Variants in APTX observed in about 807,000 individuals in gnomAD.
The protein encoded by APTX is aprataxin.
APTX carries 33 observed loss-of-function variants against 42.3 expected under a neutral mutation model. The ratio of observed to expected loss-of-function variants is 0.78; its 90% CI spans 0.59 to 1.04. The LOEUF (loss-of-function observed/expected upper bound fraction) is 1.04, where lower values mean the gene tolerates loss of function less well. Ranked by LOEUF, APTX falls within the 50% of genes least tolerant of loss-of-function variation. The probability of loss-of-function intolerance (pLI) is 0.00; values close to 1 mark genes in which losing one functional copy is unlikely to be tolerated. For synonymous variants in APTX, 130 were observed against 146.7 expected (o/e 0.89, Z 0.82); for missense variants, 421 against 415.1 (o/e 1.01, Z -0.12).
chr9:32,990,720 G>A (rs1469461411), intron 1 of APTX, among the ~76,000 whole-genome samples: 1 of 152,184 alleles, frequency 6.6e-6, no homozygotes, highest in Non-Finnish European at 1.5e-5. Context: ...TCACGAGGAA[G>A]GGATATTAAT....
At chr9:33,019,857 C>A in intron 1 of APTX, 1 of 648,104 alleles carries the variant, frequency 1.5e-6, no homozygotes, top group Admixed American at 2.4e-5. Flanking sequence ...TCCTTCCCAA[C>A]CACCCTTTGG....
chr9:32,983,044 A>G (rs1008541768), intron 6 of APTX, among the ~76,000 whole-genome samples: 1 of 152,028 alleles, frequency 6.6e-6, no homozygotes, highest in Non-Finnish European at 1.5e-5. Flanking sequence ...TCCTGGGCTC[A>G]AGTGATCCTT....
intron 1 of APTX, among the ~76,000 whole-genome samples, chr9:32,994,484 AAC>A (rs2118981821): frequency 6.6e-6 from 1 of 152,286 alleles, no homozygotes; most frequent in African/African-American, 2.4e-5. Context: ...TTCCCCAAGA[AAC>A]ACATACATAC....
At chr9:32,974,324 G>T in intron 7 of APTX, 134 bp downstream of exon 7, 1 of 671,476 alleles carries the variant, frequency 1.5e-6, no homozygotes, top group East Asian at 2.8e-5. Context: ...CTTTTCACAG[G>T]GCTCGCTTTA....
At chr9:32,994,152 T>C (rs186527278) in intron 1 of APTX, among the ~76,000 whole-genome samples, 5 of 152,186 alleles carry the variant, frequency 3.3e-5, no homozygotes, top group African/African-American at 9.7e-5. Flanking sequence ...TGCTGTCCAA[T>C]AGAATTTTCT....
chr9:32,981,179 C>T (rs1360621548), intron 6 of APTX, among the ~76,000 whole-genome samples: 2 of 152,130 alleles, frequency 1.3e-5, no homozygotes, highest in Non-Finnish European at 2.9e-5. Context: ...ATGTCCTTCT[C>T]ACAGGGGTAT....
chr9:32,993,657 A>G (rs1290693570), intron 1 of APTX, among the ~76,000 whole-genome samples: 1 of 151,672 alleles, frequency 6.6e-6, no homozygotes, highest in African/African-American at 2.4e-5. Context: ...CTCTTTGGGC[A>G]ATCCCATCCA....
chr9:32,986,934 G>A (rs367620163), intron 4 of APTX, among the ~76,000 whole-genome samples: 79 of 152,138 alleles, frequency 5.2e-4, no homozygotes, highest in African/African-American at 1.8e-3. Context: ...TCAGCCTCCC[G>A]AGTAGCTGGG....
intron 2 of APTX, 178 bp downstream of exon 2, chr9:32,989,581 T>G: frequency 9.8e-6 from 9 of 922,884 alleles, no homozygotes; most frequent in East Asian, 5.0e-5. Context: ...CATTATCACA[T>G]TGGGAGGGCA....
Position 33,000,831 on chromosome 9 carries a change from CT to C in APTX, c.-5+735del, listed in dbSNP as rs374850423. Among the ~76,000 whole-genome samples the C allele has an allele frequency of 4.2e-3, 524 of 123,380 alleles. 2 individuals are homozygous for C. The highest frequency in any genetic ancestry group is 6.2e-3 in the Non-Finnish European group (364 of 58,768). The allele number at this position is 123,380 out of a possible 152,430, so 80.9% of individuals were successfully genotyped here. A position where few individuals can be genotyped will look rare whatever the true frequency, so the allele number is the denominator to read the frequency against. On this transcript the variant is annotated intron_variant, in intron 1 of 7. Transcript: ENST00000379817. ...TATCACTGGTATGTATGGGGAAAGGCTTTTTTTTTTTTTCTTTTTTTTTTTT... is the reference window on the plus strand; with the variant it reads ...TATCACTGGTATGTATGGGGAAAGGCTTTTTTTTTTTTCTTTTTTTTTTTT...
chr9:32,988,443 T>A (rs959194649), intron 2 of APTX, among the ~76,000 whole-genome samples: 2 of 152,102 alleles, frequency 1.3e-5, no homozygotes, highest in Admixed American at 6.5e-5. Context: ...CTGCTCATGA[T>A]CACAGACTCT....
intron 5 of APTX, among the ~76,000 whole-genome samples, chr9:32,985,624 C>A (rs1411378719): frequency 1.3e-5 from 2 of 152,130 alleles, no homozygotes; most frequent in African/African-American, 4.8e-5. Context: ...GGATGTCTGA[C>A]TGTTAATGCC....
At chr9:33,020,632 G>T (rs1009381724) in intron 1 of APTX, among the ~76,000 whole-genome samples, 3 of 152,144 alleles carry the variant, frequency 2.0e-5, no homozygotes, top group African/African-American at 7.2e-5. Flanking sequence ...ACAAAAGAAA[G>T]AACAGATGAG....
upstream of APTX, among the ~76,000 whole-genome samples, chr9:33,003,066 C>T (rs983802331): frequency 1.3e-5 from 2 of 152,236 alleles, no homozygotes; most frequent in Non-Finnish European, 2.9e-5. Flanking sequence ...AAAGAGGCAA[C>T]TCTGGTGACC....
chr9:33,013,249 A>G (rs1239170194), intron 1 of APTX, among the ~76,000 whole-genome samples: 1 of 152,192 alleles, frequency 6.6e-6, no homozygotes, highest in Admixed American at 6.5e-5. Flanking sequence ...TCTATGAGCT[A>G]GATACTATTA....
At chr9:32,984,071 T>G (rs1033434856) in intron 6 of APTX, among the ~76,000 whole-genome samples, 1 of 152,246 alleles carries the variant, frequency 6.6e-6, no homozygotes, top group Non-Finnish European at 1.5e-5. Flanking sequence ...ACTTATCATC[T>G]TATTGCTTAA....
At chr9:33,015,941 T>C (rs1837869791) in intron 1 of APTX, 1 of 152,190 alleles carries the variant, frequency 6.6e-6, no homozygotes, top group Non-Finnish European at 1.5e-5. Flanking sequence ...TCAGATGAAA[T>C]ATCAAACTTA....
At chr9:32,980,556 T>A (rs1830459096) in intron 6 of APTX, 3 of 152,242 alleles carry the variant, frequency 2.0e-5, no homozygotes, top group Admixed American at 2.0e-4. Flanking sequence ...GGCAACCTGA[T>A]TTACATGTTT....
At chr9:33,017,995 T>C (rs1838037692) in intron 1 of APTX, among the ~76,000 whole-genome samples, 1 of 149,794 alleles carries the variant, frequency 6.7e-6, no homozygotes, top group African/African-American at 2.5e-5. Flanking sequence ...CAGATGTGAT[T>C]GAAAGGGGCT....
Sources: gnomAD v4.1 joint callset for allele counts (sites outside exome capture counted in the v4.1 genomes callset) on GRCh38, gnomAD v4.1.1 for gene constraint, MANE v1.5 for transcripts, NCBI Gene and HGNC (gene_info 2026-07-23, HGNC 2026-07-21) for gene names.